The following CD99L2 variants were observed in gnomAD, a reference collection of about 807,000 sequenced individuals.
CD99L2 encodes CD99 antigen-like protein 2.
In CD99L2, 24 loss-of-function variants were observed where a neutral mutation model predicts 27.3. The observed-to-expected ratio is 0.88, with a 90% confidence interval of 0.64 to 1.24. CD99L2 has a LOEUF of 1.24. Among genes scored for constraint, CD99L2 ranks in the 50% most tolerant of loss-of-function variants. The probability of loss-of-function intolerance (pLI) is 0.00; values close to 1 mark genes in which losing one functional copy is unlikely to be tolerated. For synonymous variants in CD99L2, 97 were observed against 87.9 expected (o/e 1.10, Z -0.58); for missense variants, 255 against 221.6 (o/e 1.15, Z -0.96).
chrX:150,804,925 C>T (rs2045970705), intron 4 of CD99L2, among the ~76,000 whole-genome samples: 1 of 112,105 alleles, frequency 8.9e-6, no homozygotes, highest in Non-Finnish European at 1.9e-5. Context: ...GTGGCTCATG[C>T]CTGTAATCCC....
chrX:150,824,334 GAAGAAGA>G (rs1217070850), intron 2 of CD99L2, among the ~76,000 whole-genome samples: 2 of 94,676 alleles, frequency 2.1e-5, no homozygotes, highest in East Asian at 3.3e-4. Context: ...AGGAGAAGAA[GAAGAAGA>G]AAGAAGGAAG....
chrX:150,789,491 A>G (rs782677191), intron 7 of CD99L2, among the ~76,000 whole-genome samples: 2 of 111,741 alleles, frequency 1.8e-5, no homozygotes, highest in Admixed American at 9.5e-5. Flanking sequence ...ATTTTCTCCA[A>G]ATCTGTGGCT....
intron 1 of CD99L2, among the ~76,000 whole-genome samples, chrX:150,833,928 G>A (rs1425260339): frequency 9.1e-6 from 1 of 110,431 alleles, no homozygotes; most frequent in Non-Finnish European, 1.9e-5. Flanking sequence ...GTAGACAAAT[G>A]AGACTGAATA....
At chrX:150,860,724 C>CA (rs1222769104) in intron 1 of CD99L2, among the ~76,000 whole-genome samples, 1 of 110,556 alleles carries the variant, frequency 9.0e-6, no homozygotes, top group Non-Finnish European at 1.9e-5. Flanking sequence ...CAATAGTTAC[C>CA]AAAAAAAGTA....
chrX:150,788,422 C>T, intron 7 of CD99L2, among the ~76,000 whole-genome samples: 1 of 111,397 alleles, frequency 9.0e-6, no homozygotes, highest in Middle Eastern at 4.6e-3. Flanking sequence ...GGAGGACAAG[C>T]TGGAGCAAAG....
At chrX:150,896,374 A>G (rs1397869906) in intron 1 of CD99L2, among the ~76,000 whole-genome samples, 1 of 112,380 alleles carries the variant, frequency 8.9e-6, no homozygotes, top group Non-Finnish European at 1.9e-5. Context: ...CTCCAGCCTG[A>G]GCAACAGAGC....
At chrX:150,826,991 C>T (rs1201623983) in intron 2 of CD99L2, among the ~76,000 whole-genome samples, 4 of 111,386 alleles carry the variant, frequency 3.6e-5, no homozygotes, top group Non-Finnish European at 7.5e-5. Flanking sequence ...GTTGAGAGTA[C>T]TCAGCAATAT....
At chrX:150,869,805 A>G (rs2047126696) in intron 1 of CD99L2, among the ~76,000 whole-genome samples, 1 of 111,405 alleles carries the variant, frequency 9.0e-6, no homozygotes, top group Non-Finnish European at 1.9e-5. Flanking sequence ...ATGACTATCC[A>G]TATAAGCAAG....
chrX:150,835,325 T>C lies in CD99L2; in HGVS notation c.68-4032A>G, dbSNP rs1557421167. Among the ~76,000 whole-genome samples the C allele has an allele frequency of 2.7e-5, 3 of 112,456 alleles. No individual in the cohort carries two copies. In the South Asian group the frequency reaches 1.1e-3, roughly 41 times the overall value. ...ATCTTACTACACACATTGTACCCTA[T>C]AAATACATACAAAGATTATTTGTCA... is the stretch of plus-strand genomic sequence containing the variant. On this transcript the variant is annotated intron_variant, in intron 1 of 10. Coordinates refer to ENST00000370377, the MANE Select transcript of CD99L2 (RefSeq NM_031462.4).
chrX:150,806,891 CA>C (rs1225489136), intron 4 of CD99L2, among the ~76,000 whole-genome samples: 1,041 of 100,387 alleles, frequency 0.01, 11 homozygotes, highest in African/African-American at 0.034. Context: ...AACTGCACCT[CA>C]AAAAAAAAAA....
intron 4 of CD99L2, among the ~76,000 whole-genome samples, chrX:150,797,320 G>A (rs2045812710): frequency 1.8e-5 from 2 of 112,384 alleles, no homozygotes; most frequent in Non-Finnish European, 3.8e-5. Flanking sequence ...ATGGGACACT[G>A]TAGATCTTGT....
intron 1 of CD99L2, among the ~76,000 whole-genome samples, chrX:150,875,812 CTT>C (rs139630721): frequency 0.1 from 11,616 of 111,704 alleles, 524 homozygotes; most frequent in Middle Eastern, 0.19. Flanking sequence ...CAAGCTCTCT[CTT>C]TGCCTGCCAC....
intron 10 of CD99L2, among the ~76,000 whole-genome samples, chrX:150,769,815 A>C (rs1557418948): frequency 1.8e-5 from 2 of 112,463 alleles, no homozygotes; most frequent in African/African-American, 6.4e-5. Context: ...ATGCGACCTC[A>C]AATTGCCAAC....
intron 1 of CD99L2, among the ~76,000 whole-genome samples, chrX:150,835,860 T>C (rs1004362347): frequency 5.4e-5 from 6 of 111,714 alleles, no homozygotes; most frequent in African/African-American, 2.0e-4. Flanking sequence ...AGAGGGGTCA[T>C]TGGAGCCCAC....
chrX:150,876,762 G>A (rs1235664025), intron 1 of CD99L2, among the ~76,000 whole-genome samples: 1 of 111,787 alleles, frequency 8.9e-6, no homozygotes, highest in Non-Finnish European at 1.9e-5. Context: ...AATGCCACGG[G>A]GAAGAACAGG....
intron 4 of CD99L2, among the ~76,000 whole-genome samples, chrX:150,801,318 A>C (rs182355793): frequency 8.9e-6 from 1 of 112,144 alleles, no homozygotes; most frequent in African/African-American, 3.2e-5. Flanking sequence ...ATTGACTTAC[A>C]GTTCCTCATG....
At chrX:150,837,255 T>A (rs782030537) in intron 1 of CD99L2, among the ~76,000 whole-genome samples, 93 of 110,507 alleles carry the variant, frequency 8.4e-4, no homozygotes, top group Middle Eastern at 4.8e-3. Flanking sequence ...TATTATTATT[T>A]TTTTTTTTTT....
chrX:150,800,979 C>A (rs540974316), intron 4 of CD99L2, among the ~76,000 whole-genome samples: 4 of 108,511 alleles, frequency 3.7e-5, no homozygotes, highest in African/African-American at 1.3e-4. Flanking sequence ...TACAGTGAGC[C>A]GAGACCACGC....
intron 1 of CD99L2, among the ~76,000 whole-genome samples, chrX:150,846,472 G>C (rs1297014173): frequency 4.5e-5 from 5 of 111,434 alleles, no homozygotes; most frequent in Non-Finnish European, 5.6e-5. Context: ...CTATAAAATG[G>C]AGATAACAAG....
Sources: gnomAD v4.1 joint callset for allele counts (sites outside exome capture counted in the v4.1 genomes callset) on GRCh38, gnomAD v4.1.1 for gene constraint, MANE v1.5 for transcripts, NCBI Gene and HGNC (gene_info 2026-07-23, HGNC 2026-07-21) for gene names.